The following RP1 variants were observed in gnomAD, a reference collection of about 807,000 sequenced individuals.
The protein encoded by RP1 is oxygen-regulated protein 1.
Under a neutral mutation model 14.8 loss-of-function variants are expected in RP1, and 16 were observed. The ratio of observed to expected loss-of-function variants is 1.08; its 90% confidence interval spans 0.73 to 1.65. RP1 has a LOEUF of 1.65. Ranked by LOEUF, RP1 falls within the 40% of genes most tolerant of loss-of-function variation. The pLI is 0.00. For missense variants in RP1, 2,631 were observed against 2,535.0 expected, an observed-to-expected ratio of 1.04 and a Z score of -0.81; for synonymous variants, 876 against 883.6, an observed-to-expected ratio of 0.99 and a Z score of 0.15.
chr8:54,687,480 GCCCC>G (rs1807593746), intron 12 of RP1, among the ~76,000 whole-genome samples: 1 of 151,874 alleles, frequency 6.6e-6, no homozygotes, highest in African/African-American at 2.4e-5. Flanking sequence ...CCCCTGACAG[GCCCC>G]GGTTTGTGAT....
chr8:54,870,645 C>T (rs866786042), exon 29 of RP1: 17 of 152,222 alleles, frequency 1.1e-4, no homozygotes, highest in African/African-American at 4.1e-4. Flanking sequence ...AAATACTTGT[C>T]AACTTGGTGC....
intron 26 of RP1, among the ~76,000 whole-genome samples, chr8:54,856,788 C>G (rs916399083): frequency 6.6e-6 from 1 of 152,210 alleles, no homozygotes; most frequent in African/African-American, 2.4e-5. Context: ...CTCCTAATTA[C>G]GTTCTAAAAA....
At chr8:54,807,651 T>TATC (rs1286109599) in intron 24 of RP1, among the ~76,000 whole-genome samples, 1 of 55,138 alleles carries the variant, frequency 1.8e-5, no homozygotes, top group Non-Finnish European at 3.3e-5. Context: ...TCTATCTATC[T>TATC]ATCTATCTAT....
intron 18 of RP1, among the ~76,000 whole-genome samples, chr8:54,734,988 A>G (rs1297074885): frequency 1.3e-5 from 2 of 152,124 alleles, no homozygotes; most frequent in Non-Finnish European, 2.9e-5. Context: ...ATTTTAGGCC[A>G]TGGGTTTGAA....
rs990366604 is a variant in RP1 at position 54,768,217 on chromosome 8, G to A, written c.3249-1524G>A. On this transcript the variant is annotated intron_variant, in intron 22 of 22. Transcript: ENST00000636932. Reference sequence around the variant, plus strand: ...CGGTGCCCATCCTGACCTACTTATTGTCCAACCTTCAGCTCAAGTATCACC... The same window carrying A: ...CGGTGCCCATCCTGACCTACTTATTATCCAACCTTCAGCTCAAGTATCACC... 1.1e-4 allele frequency among the ~76,000 whole-genome samples: 16 copies of A among 152,142 alleles called. 2 individuals carry two copies. The highest frequency in any genetic ancestry group is 9.8e-4 in the Admixed American group (15 of 15,286).
At chr8:54,579,448 T>C (rs1804730513) in intron 1 of RP1, among the ~76,000 whole-genome samples, 1 of 147,116 alleles carries the variant, frequency 6.8e-6, no homozygotes, top group Admixed American at 6.8e-5. Flanking sequence ...CTTGTCACGT[T>C]GAGTGATGAA....
chr8:54,813,621 G>A (rs944704334), intron 24 of RP1, among the ~76,000 whole-genome samples: 16 of 152,110 alleles, frequency 1.1e-4, no homozygotes, highest in African/African-American at 3.9e-4. Flanking sequence ...CTAATTCCGT[G>A]GAAATATTCT....
chr8:54,799,422 CT>C lies in RP1; in HGVS notation c.3615+15714del, dbSNP rs555093749. Among the ~76,000 whole-genome samples, 293 of 152,010 alleles carry C rather than the reference CT, an allele frequency of 1.9e-3. 1 individual carries two copies. Among genetic ancestry groups the C allele is most frequent in the African/African-American group, 6.5e-3 (271 of 41,518 alleles). On this transcript the variant is annotated intron_variant, in intron 24 of 28. Coordinates refer to the RP1 transcript ENST00000637698. ...TCTTGTAGATAGTATGGAGTTGGGT[CT>C]TGCTTATTATCCTACCTGGCAGCCT...
At chr8:54,818,103 A>T (rs1329396112) in intron 24 of RP1, among the ~76,000 whole-genome samples, 1 of 152,264 alleles carries the variant, frequency 6.6e-6, no homozygotes, top group East Asian at 1.9e-4. Context: ...AATATGCAGT[A>T]TGTTAACAAC....
At chr8:54,585,714 C>G (rs569138611) in intron 1 of RP1, among the ~76,000 whole-genome samples, 64 of 152,204 alleles carry the variant, frequency 4.2e-4, no homozygotes, top group Non-Finnish European at 8.5e-4. Context: ...TCTTTTTTCT[C>G]TAAACTTCTC....
intron 24 of RP1, among the ~76,000 whole-genome samples, chr8:54,807,513 T>A (rs1810881896): frequency 6.6e-6 from 1 of 152,146 alleles, no homozygotes; most frequent in Admixed American, 6.5e-5. Flanking sequence ...TATTTGTTTG[T>A]ATTTGAGCTT....
At chr8:54,562,689 C>A (rs986576035) in intron 1 of RP1, among the ~76,000 whole-genome samples, 1 of 151,586 alleles carries the variant, frequency 6.6e-6, no homozygotes, top group African/African-American at 2.4e-5. Context: ...AAAAAAAAAT[C>A]TTTTAAGTAA....
At chr8:54,824,972 T>A (rs1026064113) in intron 24 of RP1, among the ~76,000 whole-genome samples, 32 of 151,568 alleles carry the variant, frequency 2.1e-4, no homozygotes, top group African/African-American at 5.6e-4. Context: ...TTTTTTTTTT[T>A]AATTTATTTA....
At chr8:54,633,345 A>T (rs1806285204), downstream of RP1, among the ~76,000 whole-genome samples, 1 of 152,150 alleles carries the variant, frequency 6.6e-6, no homozygotes, top group South Asian at 2.1e-4. Flanking sequence ...TCAAGCTGAA[A>T]CTAAGTTAAT....
intron 24 of RP1, among the ~76,000 whole-genome samples, chr8:54,827,631 C>T (rs921986276): frequency 2.0e-5 from 3 of 152,118 alleles, no homozygotes; most frequent in African/African-American, 7.2e-5. Context: ...TGCCAGGCTA[C>T]ATTTTTTATT....
chr8:54,824,088 A>G (rs1487668530), intron 24 of RP1, among the ~76,000 whole-genome samples: 4 of 151,826 alleles, frequency 2.6e-5, no homozygotes, highest in Non-Finnish European at 5.9e-5. Flanking sequence ...CTTTGGTAAA[A>G]TATCTCTATA....
intron 6 of RP1, chr8:54,663,608 T>C: frequency 1.6e-6 from 2 of 1,276,760 alleles, no homozygotes; most frequent in South Asian, 4.3e-5. Flanking sequence ...CTTGGAACTT[T>C]TCCACCATGG....
At chr8:54,787,787 T>C (rs890303531) in intron 24 of RP1, among the ~76,000 whole-genome samples, 2 of 152,188 alleles carry the variant, frequency 1.3e-5, no homozygotes, top group African/African-American at 4.8e-5. Context: ...TTATGCTCCT[T>C]AGGATTGAAA....
chr8:54,793,068 A>G (rs528080534), intron 24 of RP1, among the ~76,000 whole-genome samples: 3 of 151,920 alleles, frequency 2.0e-5, no homozygotes, highest in African/African-American at 4.8e-5. Flanking sequence ...TTATGTGTCA[A>G]CAAATTGAAT....
Sources: allele counts gnomAD v4.1 joint callset (sites outside exome capture counted in the v4.1 genomes callset), GRCh38; gene constraint gnomAD v4.1.1; transcripts MANE v1.5; gene names NCBI Gene and HGNC (gene_info 2026-07-23, HGNC 2026-07-21).